Variants in ELK3 observed in about 807,000 individuals in gnomAD.
The protein encoded by ELK3 is ETS transcription factor ELK3.
Under a neutral mutation model 28.9 loss-of-function variants are expected in ELK3, and 10 were observed. The observed-to-expected ratio is 0.35, with a 90% CI of 0.21 to 0.59. The LOEUF (loss-of-function observed/expected upper bound fraction) is 0.59. Among genes scored for constraint, ELK3 ranks in the 20% least tolerant of loss-of-function variants. The pLI is 0.82. For missense variants in ELK3, 463 were observed against 517.3 expected, an observed-to-expected ratio of 0.90 and a Z score of 1.02; for synonymous variants, 272 against 243.5, an observed-to-expected ratio of 1.12 and a Z score of -1.09.
At chr12:96,260,604 G>A (rs1472602310) in intron 4 of ELK3, among the ~76,000 whole-genome samples, 2 of 152,188 alleles carry the variant, frequency 1.3e-5, no homozygotes, top group Admixed American at 6.5e-5. Flanking sequence ...TTGCAGGACC[G>A]TCACTTGCTA....
intron 1 of ELK3, among the ~76,000 whole-genome samples, chr12:96,200,713 A>C (rs1164429747): frequency 6.6e-6 from 1 of 152,056 alleles, no homozygotes; most frequent in Admixed American, 6.5e-5. Context: ...CCCAGGCTGG[A>C]GTGCAGTGGT....
intron 1 of ELK3, among the ~76,000 whole-genome samples, chr12:96,211,486 TTTGTGTGTGTGTG>T (rs1185231853): frequency 1.0e-3 from 138 of 133,420 alleles, no homozygotes; most frequent in African/African-American, 2.2e-3. Context: ...TCATTGTGTG[TTTGTGTGTGTGTG>T]TGTGTGTGTG....
intron 2 of ELK3, among the ~76,000 whole-genome samples, chr12:96,246,328 G>A (rs1322636543): frequency 6.6e-6 from 1 of 152,132 alleles, no homozygotes; most frequent in Non-Finnish European, 1.5e-5. Context: ...CAGATTGTAT[G>A]AGATAAGATA....
intron 1 of ELK3, among the ~76,000 whole-genome samples, chr12:96,208,241 G>A (rs1290823230): frequency 2.6e-5 from 4 of 152,100 alleles, no homozygotes; most frequent in African/African-American, 7.2e-5. Flanking sequence ...CAGTAGAGAC[G>A]GGGTTTCGCC....
rs1592946799 is a variant in ELK3 at position 96,194,522 on chromosome 12, T to A, written c.-186T>A. The A allele has an allele frequency of 6.7e-6, 1 of 150,090 alleles. No individual in the cohort carries two copies. The highest frequency in any genetic ancestry group is 2.0e-4 in the East Asian group (1 of 5,046). 9.3% of individuals were successfully genotyped at this position (150,090 alleles called of 1,614,324 possible). On this transcript the variant is annotated 5_prime_UTR_variant, in exon 1 of 5. Coordinates refer to ENST00000228741, the MANE Select transcript of ELK3 (RefSeq NM_005230.4). ...GCTCGGCCTGACTGCTCCAACTTCC[T>A]GCTCTCACACACACCAGAGGGGAAA...
chr12:96,247,674 C>A lies in ELK3; in HGVS notation c.942C>A (p.Ile314=). The A allele has an allele frequency of 6.2e-7, 1 of 1,611,826 alleles. No homozygotes were observed. Among genetic ancestry groups the A allele is most frequent in the Non-Finnish European group, 8.5e-7 (1 of 1,179,626 alleles). ...LVLSGTDIGS[I]ALNSPALPSG... is the part of the protein sequence containing the mutation. ...TCTCCGGCACCGACATCGGCTCCAT[C>A]GCCCTCAACAGCCCAGCCCTCCCCT... Residue 314 remains isoleucine, a synonymous_variant, in exon 3 of 5, where the codon ATC becomes ATA. Coordinates refer to ENST00000228741, the MANE Select transcript of ELK3 (RefSeq NM_005230.4). The surrounding 1 kb of genome is among the most constrained non-coding windows in gnomAD (Gnocchi z 5.5).
At chr12:96,230,371 A>G (rs1013602878) in intron 2 of ELK3, among the ~76,000 whole-genome samples, 1 of 152,178 alleles carries the variant, frequency 6.6e-6, no homozygotes, top group East Asian at 1.9e-4. Context: ...TATTTCAGAC[A>G]CTGCTGGGCT....
intron 2 of ELK3, among the ~76,000 whole-genome samples, chr12:96,243,615 C>T (rs1339138527): frequency 1.3e-5 from 2 of 151,746 alleles, no homozygotes; most frequent in East Asian, 1.9e-4. Flanking sequence ...TTTGGGAGGC[C>T]GAGGCAAGGC....
chr12:96,243,082 T>C (rs1951832363), intron 2 of ELK3, among the ~76,000 whole-genome samples: 1 of 152,236 alleles, frequency 6.6e-6, no homozygotes, highest in African/African-American at 2.4e-5. Flanking sequence ...CTTCTAGCTA[T>C]AGAAAGTTCC....
At chr12:96,203,363 A>G (rs1951518581) in intron 1 of ELK3, among the ~76,000 whole-genome samples, 1 of 152,228 alleles carries the variant, frequency 6.6e-6, no homozygotes, top group Non-Finnish European at 1.5e-5. Flanking sequence ...GGATGCCTGC[A>G]CGTGTCTGTG....
chr12:96,266,200 T>C (rs1209980297), intron 4 of ELK3, among the ~76,000 whole-genome samples: 1 of 151,738 alleles, frequency 6.6e-6, no homozygotes, highest in African/African-American at 2.4e-5. Flanking sequence ...TACTTAAATA[T>C]AAGTATTTGT....
chr12:96,252,696 A>C (rs185230912), intron 3 of ELK3, among the ~76,000 whole-genome samples: 17 of 152,336 alleles, frequency 1.1e-4, no homozygotes, highest in Admixed American at 4.6e-4. Context: ...CAATTTATTG[A>C]TCAAACTTGA....
intron 1 of ELK3, 82 bp downstream of exon 1, chr12:96,194,787 G>C (rs1464546114): frequency 7.0e-6 from 1 of 142,182 alleles, no homozygotes; most frequent in Non-Finnish European, 1.5e-5. Flanking sequence ...TTCTTTTCTT[G>C]GGCGCGGTGG....
intron 1 of ELK3, among the ~76,000 whole-genome samples, chr12:96,208,128 T>C (rs181254906): frequency 4.8e-4 from 73 of 152,272 alleles, no homozygotes; most frequent in Admixed American, 1.5e-3. Context: ...CTTGGCTCAC[T>C]GTAACCTCCG....
In ELK3 at chr12:96,223,596, C is replaced by T. The variant is rs1049407903; in HGVS notation, c.30C>T (p.Phe10=). MESAITLWQ[F]LLQLLLDQKH... Reference sequence around the variant, plus strand: ...AGAGTGCAATCACGCTGTGGCAGTTCCTGTTGCAGTTGCTGCTGGATCAGA... The same window carrying T: ...AGAGTGCAATCACGCTGTGGCAGTTTCTGTTGCAGTTGCTGCTGGATCAGA... Residue 10 remains phenylalanine (F), a synonymous_variant, in exon 2 of 5, where the codon TTC becomes TTT. Coordinates refer to ENST00000228741, the MANE Select transcript of ELK3 (RefSeq NM_005230.4). The T allele has an allele frequency of 6.2e-7, 1 of 1,614,142 alleles. No homozygotes were observed. Among genetic ancestry groups the T allele is most frequent in the South Asian group, 1.1e-5 (1 of 91,080 alleles).
chr12:96,221,913 T>C (rs1458215225), intron 1 of ELK3, among the ~76,000 whole-genome samples: 1 of 152,164 alleles, frequency 6.6e-6, no homozygotes, highest in Admixed American at 6.5e-5. Flanking sequence ...GTTGACAATA[T>C]TGGTACAAAT....
intron 4 of ELK3, among the ~76,000 whole-genome samples, chr12:96,260,801 C>T (rs1436278739): frequency 1.3e-5 from 2 of 152,210 alleles, no homozygotes; most frequent in Non-Finnish European, 2.9e-5. Context: ...TGCCTGTATC[C>T]TGTGCCCCAC....
chr12:96,266,971 C>T, intron 4 of ELK3, 111 bp from the exon 5 acceptor site: 3 of 741,382 alleles, frequency 4.0e-6, no homozygotes, highest in Non-Finnish European at 6.1e-6. Context: ...ATCTCTATCA[C>T]AGGGGTGATG....
chr12:96,257,229 T>C (rs985407836), intron 3 of ELK3, among the ~76,000 whole-genome samples: 20 of 152,180 alleles, frequency 1.3e-4, no homozygotes, highest in African/African-American at 4.3e-4. Flanking sequence ...GCAGGTGTTA[T>C]AGGAACTTTC....
Sources: gnomAD v4.1 joint callset for allele counts (sites outside exome capture counted in the v4.1 genomes callset) on GRCh38, gnomAD v4.1.1 for gene constraint, Gnocchi (gnomAD v3.1) non-coding constraint, MANE v1.5 for transcripts, NCBI Gene and HGNC (gene_info 2026-07-23, HGNC 2026-07-21) for gene names.